The following IQCH variants were observed in gnomAD, a reference collection of about 807,000 sequenced individuals.
IQCH encodes IQ domain-containing protein H.
A neutral mutation model predicts 117.0 loss-of-function variants in IQCH; 98 were observed. The observed-to-expected ratio is 0.84, with a 90% CI of 0.71 to 0.99. IQCH has a LOEUF of 0.99. Ranked by LOEUF, IQCH falls within the 50% of genes least tolerant of loss-of-function variation. The probability of loss-of-function intolerance (pLI) is 0.00; values close to 1 mark genes in which losing one functional copy is unlikely to be tolerated. For synonymous variants in IQCH, 412 were observed against 448.2 expected, an observed-to-expected ratio of 0.92 and a Z score of 1.02; for missense variants, 1,102 against 1,243.8, an observed-to-expected ratio of 0.89 and a Z score of 1.72.
chr15:67,371,821 G>T (rs1669280380), intron 8 of IQCH, among the ~76,000 whole-genome samples: 1 of 152,150 alleles, frequency 6.6e-6, no homozygotes, highest in South Asian at 2.1e-4. Flanking sequence ...TTGTATCAAA[G>T]TAAACTAAAT....
At chr15:67,482,346 C>T (rs1360574388) in intron 18 of IQCH, among the ~76,000 whole-genome samples, 1 of 152,200 alleles carries the variant, frequency 6.6e-6, no homozygotes, top group African/African-American at 2.4e-5. Context: ...ATTGCAGTTA[C>T]CCAGTCCTGT....
At position 67,493,706 on chromosome 15, in the gene IQCH, C is replaced by T. The variant is rs919564943; in HGVS notation, c.2862-552C>T. On this transcript the variant is annotated intron_variant, in intron 19 of 20. Transcript: ENST00000335894. This position sits in a 1 kb window ranked among gnomAD's most constrained non-coding sequence, Gnocchi z 5.1. ...TAAGTTATAGGGTACATGTGCACAACGTGCAGGTTTGTTACATATGTATCC... is the reference window on the plus strand; with the variant it reads ...TAAGTTATAGGGTACATGTGCACAATGTGCAGGTTTGTTACATATGTATCC... 6.6e-6 allele frequency among the ~76,000 whole-genome samples: 1 copy of T among 152,144 alleles called. No individual in the cohort carries two copies. Among genetic ancestry groups the T allele is most frequent in the Non-Finnish European group, 1.5e-5 (1 of 68,022 alleles).
intron 4 of IQCH, among the ~76,000 whole-genome samples, chr15:67,308,060 A>G (rs923243293): frequency 6.6e-6 from 1 of 152,138 alleles, no homozygotes; most frequent in Non-Finnish European, 1.5e-5. Context: ...CTGCTGGTTT[A>G]CAGCTGTCTC....
rs752168677 is a variant in IQCH, at chr15:67,472,673, A to G, written c.2677-3023A>G. Among the ~76,000 whole-genome samples the G allele has an allele frequency of 6.6e-6, 1 of 152,176 alleles. No individual in the cohort carries two copies. The highest frequency in any genetic ancestry group is 1.5e-5 in the Non-Finnish European group (1 of 68,038). ...TCTGTTCAAGATCACATACACAGTA[A>G]GTGGCCTTGTCAGGTTCTGAACTTC... is the stretch of plus-strand genomic sequence containing the variant. On this transcript the variant is annotated intron_variant, in intron 17 of 20. Coordinates refer to ENST00000335894, the MANE Select transcript of IQCH (RefSeq NM_001031715.3). The surrounding 1 kb of genome is among the most constrained non-coding windows in gnomAD (Gnocchi z 4.3).
chr15:67,255,082 C>A (rs1435716420), intron 1 of IQCH, 135 bp downstream of exon 1: 3 of 828,904 alleles, frequency 3.6e-6, no homozygotes, highest in Admixed American at 2.1e-5. Flanking sequence ...GAGAGGCTCC[C>A]AAAAATGCCC....
intron 4 of IQCH, among the ~76,000 whole-genome samples, chr15:67,283,404 A>C (rs1244176427): frequency 6.6e-6 from 1 of 152,198 alleles, no homozygotes; most frequent in Non-Finnish European, 1.5e-5. Flanking sequence ...ACAAATAAAG[A>C]CCATTTTTGT....
At chr15:67,444,716 A>C (rs1383365080) in intron 16 of IQCH, among the ~76,000 whole-genome samples, 2 of 152,202 alleles carry the variant, frequency 1.3e-5, no homozygotes, top group Non-Finnish European at 2.9e-5. Context: ...ATGCCATCTC[A>C]CATTCCAACA....
chr15:67,344,741 C>T (rs1275040704), intron 6 of IQCH, among the ~76,000 whole-genome samples: 1 of 152,176 alleles, frequency 6.6e-6, no homozygotes. Context: ...TGTTATTTAA[C>T]TAAACTGTAA....
intron 16 of IQCH, among the ~76,000 whole-genome samples, chr15:67,442,043 A>G (rs1045736381): frequency 6.6e-6 from 1 of 152,192 alleles, no homozygotes; most frequent in Non-Finnish European, 1.5e-5. Flanking sequence ...GTAAGAAAAA[A>G]ACAATCCCAT....
chr15:67,263,791 A>G (rs1965555504), intron 3 of IQCH, among the ~76,000 whole-genome samples: 1 of 152,212 alleles, frequency 6.6e-6, no homozygotes, highest in Non-Finnish European at 1.5e-5. Flanking sequence ...ACAAAAATAA[A>G]ACTTGCTTGA....
At chr15:67,276,246 A>G (rs1250680344) in intron 3 of IQCH, among the ~76,000 whole-genome samples, 1 of 152,234 alleles carries the variant, frequency 6.6e-6, no homozygotes, top group Admixed American at 6.5e-5. Flanking sequence ...TAAGAAATAC[A>G]CCAAGATACT....
intron 4 of IQCH, among the ~76,000 whole-genome samples, chr15:67,328,788 C>T (rs1184570136): frequency 6.6e-6 from 1 of 152,072 alleles, no homozygotes; most frequent in Non-Finnish European, 1.5e-5. Context: ...AAGCCAGATA[C>T]AAAAGAATAC....
Position 67,458,473 on chromosome 15 carries a change from C to T in IQCH, c.2506-6654C>T, listed in dbSNP as rs7167643. ...CCTCAATTACTGCAAGTCTTCCTAA[C>T]TGGACTCCCTGTTTCCATCCTTGCC... On this transcript the variant is annotated intron_variant, in intron 16 of 20. Coordinates refer to ENST00000335894, the MANE Select transcript of IQCH (RefSeq NM_001031715.3). The surrounding 1 kb of genome is among the most constrained non-coding windows in gnomAD (Gnocchi z 4.1). 0.014 allele frequency among the ~76,000 whole-genome samples: 2,172 copies of T among 152,322 alleles called. 31 individuals are homozygous for T. Among genetic ancestry groups the T allele is most frequent in the African/African-American group, 0.029 (1,220 of 41,570 alleles).
chr15:67,282,708 C>T (rs79831733), intron 4 of IQCH, among the ~76,000 whole-genome samples: 1,587 of 152,194 alleles, frequency 0.01, 26 homozygotes, highest in African/African-American at 0.037. Flanking sequence ...TTATGAAATC[C>T]AACTGGGATA....
intron 14 of IQCH, among the ~76,000 whole-genome samples, chr15:67,409,812 G>T: frequency 6.6e-6 from 1 of 152,180 alleles, no homozygotes; most frequent in Admixed American, 6.5e-5. Context: ...AATGTTGGCT[G>T]TTTTACATTA....
chr15:67,429,365 A>G (rs974515103), intron 16 of IQCH, among the ~76,000 whole-genome samples: 3 of 152,130 alleles, frequency 2.0e-5, no homozygotes, highest in Admixed American at 6.5e-5. Context: ...AAATTTTTTA[A>G]AAATTAGCTG....
In IQCH at chr15:67,342,123, G is replaced by A. The variant is rs868101857; in HGVS notation, c.509-1940G>A. Among the ~76,000 whole-genome samples, 1 of 150,532 alleles carries A rather than the reference G, an allele frequency of 6.6e-6. No individual in the cohort carries two copies. The highest frequency in any genetic ancestry group is 6.6e-5 in the Admixed American group (1 of 15,084). On this transcript the variant is annotated intron_variant, in intron 5 of 20. Coordinates refer to ENST00000335894, the MANE Select transcript of IQCH (RefSeq NM_001031715.3). The surrounding 1 kb of genome is among the most constrained non-coding windows in gnomAD (Gnocchi z 4.7). The stretch of plus-strand genomic sequence containing the variant: ...TAGTCTCTACATTAAAAAAAAAAAA[G>A]CCAGACATGATGGTGCTATTCCAAT...
chr15:67,409,404 G>T (rs1000543220), intron 14 of IQCH, among the ~76,000 whole-genome samples: 1 of 152,212 alleles, frequency 6.6e-6, no homozygotes, highest in African/African-American at 2.4e-5. Flanking sequence ...GTGCTGGAAA[G>T]TTGAAAGGGA....
intron 4 of IQCH, among the ~76,000 whole-genome samples, chr15:67,302,027 T>G (rs1967070603): frequency 6.6e-6 from 1 of 152,080 alleles, no homozygotes; most frequent in African/African-American, 2.4e-5. Flanking sequence ...AAGGCCAGTT[T>G]TAACAGTGAT....
Sources: gnomAD v4.1 joint callset for allele counts (sites outside exome capture counted in the v4.1 genomes callset) on GRCh38, gnomAD v4.1.1 for gene constraint, Gnocchi (gnomAD v3.1) non-coding constraint, MANE v1.5 for transcripts, NCBI Gene and HGNC (gene_info 2026-07-23, HGNC 2026-07-21) for gene names.